The following L3MBTL4 variants were observed in gnomAD, a reference collection of about 807,000 sequenced individuals.
L3MBTL4 encodes the protein L3MBTL histone methyl-lysine binding protein 4.
In L3MBTL4, 70 loss-of-function variants were observed where a neutral mutation model predicts 84.5. That is an observed-to-expected ratio of 0.83 (90% confidence interval 0.68 to 1.01). L3MBTL4 has a LOEUF of 1.01. Among genes scored for constraint, L3MBTL4 ranks in the 50% least tolerant of loss-of-function variants. L3MBTL4 has a pLI of 0.00. For synonymous variants in L3MBTL4, 274 were observed against 259.8 expected, an observed-to-expected ratio of 1.05 and a Z score of -0.52; for missense variants, 715 against 754.8, an observed-to-expected ratio of 0.95 and a Z score of 0.62.
chr18:6,333,618 T>C (rs2052164052), intron 1 of L3MBTL4, among the ~76,000 whole-genome samples: 1 of 150,176 alleles, frequency 6.7e-6, no homozygotes, highest in Non-Finnish European at 1.5e-5. Flanking sequence ...AAGATTAGCA[T>C]GGAGAAGCAG....
intron 1 of L3MBTL4, among the ~76,000 whole-genome samples, chr18:6,394,665 A>T (rs1427585170): frequency 1.3e-5 from 2 of 152,110 alleles, no homozygotes; most frequent in African/African-American, 4.8e-5. Context: ...TTTGTGGAAT[A>T]AAGAAACTAG....
At chr18:6,164,046 C>T (rs1272974007) in intron 13 of L3MBTL4, among the ~76,000 whole-genome samples, 2 of 152,240 alleles carry the variant, frequency 1.3e-5, no homozygotes, top group Non-Finnish European at 2.9e-5. Flanking sequence ...CTGCACCTGG[C>T]TTGGAAGGTC....
intron 10 of L3MBTL4, among the ~76,000 whole-genome samples, chr18:6,237,698 C>T (rs112624159): frequency 7.7e-4 from 117 of 151,960 alleles, no homozygotes; most frequent in African/African-American, 2.6e-3. Context: ...TCAGGTGATC[C>T]GCCCACCTTG....
At chr18:6,087,652 G>A (rs1244165994) in intron 15 of L3MBTL4, among the ~76,000 whole-genome samples, 2 of 152,148 alleles carry the variant, frequency 1.3e-5, no homozygotes, top group East Asian at 3.8e-4. Context: ...TAGATACTGA[G>A]TATTATCTTA....
chr18:6,246,773 G>A (rs1724928525), intron 5 of L3MBTL4, among the ~76,000 whole-genome samples: 1 of 152,074 alleles, frequency 6.6e-6, no homozygotes, highest in Non-Finnish European at 1.5e-5. Context: ...GTGTGATGGT[G>A]TGTGCCTGTA....
At chr18:6,019,414 T>C (rs752100665) in intron 16 of L3MBTL4, among the ~76,000 whole-genome samples, 1 of 152,238 alleles carries the variant, frequency 6.6e-6, no homozygotes, top group Non-Finnish European at 1.5e-5. Context: ...GACTGTAGTT[T>C]AGAAACCCCC....
chr18:6,154,045 T>G (rs1420298038), intron 13 of L3MBTL4, among the ~76,000 whole-genome samples: 2 of 152,172 alleles, frequency 1.3e-5, no homozygotes, highest in Non-Finnish European at 2.9e-5. Context: ...GTGAATGCCT[T>G]TCATTTCTTT....
chr18:6,198,726 A>G (rs1048086106), intron 12 of L3MBTL4, among the ~76,000 whole-genome samples: 1 of 152,234 alleles, frequency 6.6e-6, no homozygotes, highest in Non-Finnish European at 1.5e-5. Context: ...GCCTATTCAA[A>G]GGGGACAGTG....
At chr18:6,073,867 A>G (rs2057771079) in intron 16 of L3MBTL4, among the ~76,000 whole-genome samples, 1 of 152,206 alleles carries the variant, frequency 6.6e-6, no homozygotes. Flanking sequence ...TCTTTGTTAA[A>G]AAAAAACTTA....
rs185768637 is a variant in L3MBTL4, at chr18:6,028,474, C to T, written c.1444+52407G>A. Among the ~76,000 whole-genome samples, 35 of 152,244 alleles carry T rather than the reference C, an allele frequency of 2.3e-4. No homozygotes were observed. In the East Asian group the frequency reaches 6.0e-3, roughly 26 times the overall value. On this transcript the variant is annotated intron_variant, in intron 16 of 18. Transcript: ENST00000317931. ...TAGTTTGAAGTCAGGTAGCGTGATG[C>T]CTCCAGCTTAGTTCTTTCTGCTTAG...
chr18:6,254,668 C>T (rs996778866), intron 5 of L3MBTL4, among the ~76,000 whole-genome samples: 1 of 152,084 alleles, frequency 6.6e-6, no homozygotes, highest in African/African-American at 2.4e-5. Flanking sequence ...AATAGAGAAA[C>T]AGAACTCAGG....
At chr18:6,304,732 C>G (rs1054368798) in intron 3 of L3MBTL4, among the ~76,000 whole-genome samples, 6 of 152,180 alleles carry the variant, frequency 3.9e-5, no homozygotes, top group African/African-American at 9.7e-5. Flanking sequence ...CCAGTTCCAC[C>G]CCTGTTCATT....
At chr18:5,961,750 A>G (rs1038914330) in intron 17 of L3MBTL4, among the ~76,000 whole-genome samples, 1 of 115,042 alleles carries the variant, frequency 8.7e-6, no homozygotes, top group Non-Finnish European at 1.8e-5. Flanking sequence ...CAGGCAGAGG[A>G]AGCCGAGCTG....
chr18:6,212,203 C>T (rs890889529), intron 12 of L3MBTL4, among the ~76,000 whole-genome samples: 2 of 152,120 alleles, frequency 1.3e-5, no homozygotes, highest in Non-Finnish European at 2.9e-5. Flanking sequence ...ATGGACATTG[C>T]CAGTGTACAT....
chr18:6,141,808 A>C (rs1486265968), intron 13 of L3MBTL4, among the ~76,000 whole-genome samples: 1 of 152,200 alleles, frequency 6.6e-6, no homozygotes, highest in East Asian at 1.9e-4. Context: ...CAATCTTTTC[A>C]AATCACAGAT....
At chr18:6,375,922 C>T (rs2054348582) in intron 1 of L3MBTL4, among the ~76,000 whole-genome samples, 1 of 152,254 alleles carries the variant, frequency 6.6e-6, no homozygotes, top group African/African-American at 2.4e-5. Flanking sequence ...GGTTTAGACA[C>T]GCTAAAAACA....
chr18:6,183,520 T>C (rs776840687), intron 12 of L3MBTL4, among the ~76,000 whole-genome samples: 55 of 152,228 alleles, frequency 3.6e-4, no homozygotes, highest in Non-Finnish European at 2.1e-4. Context: ...ATATGCACTC[T>C]TGATTTGTCC....
At chr18:6,121,059 A>G (rs1409001374) in intron 14 of L3MBTL4, among the ~76,000 whole-genome samples, 1 of 152,194 alleles carries the variant, frequency 6.6e-6, no homozygotes, top group East Asian at 1.9e-4. Context: ...TCTATAAAAA[A>G]GCCCCAAGGT....
intron 14 of L3MBTL4, among the ~76,000 whole-genome samples, chr18:6,104,860 T>C (rs2143942815): frequency 6.6e-6 from 1 of 152,344 alleles, no homozygotes; most frequent in East Asian, 1.9e-4. Context: ...ATTATATTCT[T>C]TCCAAATTAA....
Sources: gnomAD v4.1 joint callset for allele counts (sites outside exome capture counted in the v4.1 genomes callset) on GRCh38, gnomAD v4.1.1 for gene constraint, MANE v1.5 for transcripts, NCBI Gene and HGNC (gene_info 2026-07-23, HGNC 2026-07-21) for gene names.